Variants in RTL1 observed in about 807,000 individuals in gnomAD.
RTL1 encodes retrotransposon Gag like 1.
For synonymous variants in RTL1, 727 were observed against 748.4 expected, an observed-to-expected ratio of 0.97 and a Z score of 0.47; for missense variants, 1,681 against 1,767.5, an observed-to-expected ratio of 0.95 and a Z score of 0.88.
Position 100,882,620 on chromosome 14 carries a change from C to G in RTL1, c.2169G>C (p.Met723Ile). The change falls in exon 4 of 4, where the codon ATG (methionine) becomes ATC (isoleucine). Residue 723 changes from methionine (M) to isoleucine (I), a missense_variant. By Grantham distance (10) the Met-to-Ile change is conservative. Transcript: ENST00000649591. Reference protein sequence around the residue: ...QNVIHFILKDMLGFFVLSYGQ... With the variant: ...QNVIHFILKDILGFFVLSYGQ... ...CATAAGAAAGCACAAAGAACCCTAG[C>G]ATGTCCTTTAGGATGAAGTGAATCA... is the stretch of plus-strand genomic sequence containing the variant. 1 of 1,551,826 alleles carries G rather than the reference C, an allele frequency of 6.4e-7. No homozygotes were observed.
rs771658355 is a variant in RTL1 at position 100,882,337 on chromosome 14, G to C, written c.2452C>G (p.Pro818Ala). 8 of 1,551,552 alleles carry C rather than the reference G, an allele frequency of 5.2e-6. No individual in the cohort carries two copies. The South Asian group carries it at 9.5e-5, about 18-fold the overall frequency. ...AAGCGCTCCACGAAGTGGCGGTAGGGGAAGACGAATTCGATGAAGTTTCGC... is the reference window on the plus strand; with the variant it reads ...AAGCGCTCCACGAAGTGGCGGTAGGCGAAGACGAATTCGATGAAGTTTCGC... Reference protein sequence around the residue: ...SLRNFIEFVFPYRHFVERFSI... With the variant: ...SLRNFIEFVFAYRHFVERFSI... The change falls in exon 4 of 4, where the codon CCC becomes GCC. Residue 818 changes from proline to alanine, a missense_variant. Coordinates refer to ENST00000649591, the MANE Select transcript of RTL1 (RefSeq NM_001134888.3).
chr14:100,899,873 C>T (rs2038918702), intron 2 of RTL1, among the ~76,000 whole-genome samples: 1 of 152,230 alleles, frequency 6.6e-6, no homozygotes, highest in South Asian at 2.1e-4. Context: ...GCTTAACCCC[C>T]TCCCTGAGAC....
chr14:100,891,311 T>C (rs1237269170), intron 3 of RTL1, among the ~76,000 whole-genome samples: 1 of 152,200 alleles, frequency 6.6e-6, no homozygotes, highest in Non-Finnish European at 1.5e-5. Flanking sequence ...TCCCCTATGG[T>C]CTGGACCGAG....
rs556007725 is a variant in RTL1 at position 100,901,858 on chromosome 14, C to T, written c.-149+1433G>A. Among the ~76,000 whole-genome samples, 6 of 152,306 alleles carry T rather than the reference C, an allele frequency of 3.9e-5. No individual in the cohort carries two copies. The East Asian group carries it at 7.8e-4, about 20-fold the overall frequency. On this transcript the variant is annotated intron_variant, in intron 2 of 3. Transcript: ENST00000649591. Reference sequence around the variant, plus strand: ...TTGCCTTATTGGGACAGAGGCACCCCGCCAACCATCTCTGTGCCTTTGCCA... The same window carrying T: ...TTGCCTTATTGGGACAGAGGCACCCTGCCAACCATCTCTGTGCCTTTGCCA...
chr14:100,897,757 GGGGGGT>G (rs2038883985), intron 2 of RTL1: 3 of 141,562 alleles, frequency 2.1e-5, no homozygotes, highest in Admixed American at 8.0e-5. Context: ...TTGGCGGGGG[GGGGGGT>G]GGGGGGGTGG....
chr14:100,902,202 T>G (rs754161012), intron 2 of RTL1, among the ~76,000 whole-genome samples: 5 of 152,132 alleles, frequency 3.3e-5, no homozygotes, highest in African/African-American at 7.2e-5. Flanking sequence ...TGCATCTGCC[T>G]CCTCGGCTGT....
Position 100,883,324 on chromosome 14 carries a change from A to G in RTL1, c.1465T>C (p.Ser489Pro). The change falls in exon 4 of 4, where the codon TCC (serine) becomes CCC (proline). Residue 489 changes from serine (S) to proline (P), a missense_variant. Physicochemically the swap from Ser to Pro is moderately conservative, Grantham distance 74 (BLOSUM62 -1). Transcript: ENST00000649591. This position sits in a 1 kb window ranked among gnomAD's most constrained non-coding sequence, Gnocchi z 5.9. ...LVCIHQNHQE[S>P]IEFDIVPSPN... ...GAAGGTACGATGTCAAATTCGATGGACTCCTGGTGGTTCTGGTGGATACAC... is the reference window on the plus strand; with the variant it reads ...GAAGGTACGATGTCAAATTCGATGGGCTCCTGGTGGTTCTGGTGGATACAC... The G allele has an allele frequency of 6.4e-7, 1 of 1,550,836 alleles. No homozygotes were observed. Among genetic ancestry groups the G allele is most frequent in the Non-Finnish European group, 8.7e-7 (1 of 1,146,706 alleles).
In RTL1 at chr14:100,887,661, C is replaced by T. The variant is rs375388775; in HGVS notation, c.-86-2787G>A. 2.0e-4 allele frequency among the ~76,000 whole-genome samples: 31 copies of T among 151,600 alleles called. 1 individual carries two copies. Among genetic ancestry groups the T allele is most frequent in the African/African-American group, 6.3e-4 (26 of 41,384 alleles). The stretch of plus-strand genomic sequence containing the variant: ...CCTAGCTACTTCTCCTAGGCTGAGG[C>T]GGGAGAATCGCTTGAACCTTGGAGG... On this transcript the variant is annotated intron_variant, in intron 3 of 3. Transcript: ENST00000649591.
chr14:100,888,183 G>A (rs562723880), intron 3 of RTL1, among the ~76,000 whole-genome samples: 4 of 152,198 alleles, frequency 2.6e-5, no homozygotes, highest in Admixed American at 6.5e-5. Flanking sequence ...CACAGCACTT[G>A]AATGCCTTCA....
intron 3 of RTL1, among the ~76,000 whole-genome samples, chr14:100,890,318 T>TG (rs917805448): frequency 1.3e-5 from 2 of 150,014 alleles, no homozygotes; most frequent in Non-Finnish European, 3.0e-5. Context: ...GGGGGGGCCA[T>TG]GGGGGGGACA....
At chr14:100,902,241 CCG>C (rs959320777) in intron 2 of RTL1, among the ~76,000 whole-genome samples, 1 of 152,210 alleles carries the variant, frequency 6.6e-6, no homozygotes, top group African/African-American at 2.4e-5. Flanking sequence ...CCTCTGCCCT[CCG>C]ATCTCTGCAG....
In RTL1 at chr14:100,884,533, T is replaced by G; in HGVS notation, c.256A>C (p.Lys86Gln). 1 of 1,613,466 alleles carries G rather than the reference T, an allele frequency of 6.2e-7. No individual in the cohort carries two copies. Among genetic ancestry groups the G allele is most frequent in the South Asian group, 1.1e-5 (1 of 91,076 alleles). The change falls in exon 4 of 4, where the codon AAG becomes CAG. Residue 86 changes from lysine (K) to glutamine (Q), a missense_variant. By Grantham distance (53) the Lys-to-Gln change is moderately conservative. Coordinates refer to ENST00000649591, the MANE Select transcript of RTL1 (RefSeq NM_001134888.3). The stretch of plus-strand genomic sequence containing the variant: ...TCATTGGGTGGATCCTCTATTTCCT[T>G]ACGTGGGCCACTGGATGGCTCCTCC... ...DMEEPSSGPR[K>Q]EIEDPPNDLL...
intron 3 of RTL1, chr14:100,889,790 G>T (rs1348917572): frequency 5.3e-5 from 8 of 152,140 alleles, no homozygotes; most frequent in Admixed American, 5.2e-4. Flanking sequence ...GGGCCAGGGG[G>T]TTCCCTCCAC....
Position 100,881,194 on chromosome 14 carries a change from A to G in RTL1, c.3595T>C (p.Phe1199Leu), listed in dbSNP as rs1484699713. 2 of 1,541,806 alleles carry G rather than the reference A, an allele frequency of 1.3e-6. No individual in the cohort carries two copies. Among genetic ancestry groups the G allele is most frequent in the South Asian group, 1.2e-5 (1 of 82,360 alleles). Reference protein sequence around the residue: ...TPGFWLTLCEFFGVRVTPQEG... With the variant: ...TPGFWLTLCELFGVRVTPQEG... ...TGGGGGGTGACTCTGACACCGAAGA[A>G]CTCACACAGCGTCAGCCAGAAGCCA... Residue 1199 changes from phenylalanine (F) to leucine (L), a missense_variant, in exon 4 of 4, where the codon TTC (phenylalanine) becomes CTC (leucine). Physicochemically the swap from Phe to Leu is conservative, Grantham distance 22. Transcript: ENST00000649591. This position sits in a 1 kb window ranked among gnomAD's most constrained non-coding sequence, Gnocchi z 6.6.
At position 100,884,781 on chromosome 14, in the gene RTL1, T is replaced by C. The variant is rs1434788348; in HGVS notation, c.8A>G (p.Glu3Gly). The change falls in exon 4 of 4, where the codon GAA becomes GGA. Residue 3 changes from glutamate (E) to glycine (G), a missense_variant. Glu to Gly is a moderately conservative substitution (Grantham distance 98). Coordinates refer to ENST00000649591, the MANE Select transcript of RTL1 (RefSeq NM_001134888.3). ...CGTCTCAAATGAGTCTTCAGAGGGT[T>C]CTATCATTTCGTCGGATGGAAAGGA... MI[E>G]PSEDSFETMM... The C allele has an allele frequency of 1.3e-6, 2 of 1,563,684 alleles. No homozygotes were observed. The highest frequency in any genetic ancestry group is 2.3e-5 in the East Asian group (1 of 44,260).
rs964943698 is a variant in RTL1, at chr14:100,903,284, T to C, written c.-149+7A>G. 1.6e-4 allele frequency among the ~76,000 whole-genome samples: 25 copies of C among 152,072 alleles called. No homozygotes were observed. Among genetic ancestry groups the C allele is most frequent in the African/African-American group, 6.0e-4 (25 of 41,388 alleles). ...ACTCATTCTCCAAGCCACCACAGTG[T>C]ACCTACCTTCCCCGGGCCCAGTCCC... On this transcript the variant is annotated splice_region_variant and intron_variant, in intron 2 of 3. Coordinates refer to ENST00000649591, the MANE Select transcript of RTL1 (RefSeq NM_001134888.3).
chr14:100,890,580 G>A (rs376765906), intron 3 of RTL1, among the ~76,000 whole-genome samples: 1 of 152,126 alleles, frequency 6.6e-6, no homozygotes, highest in African/African-American at 2.4e-5. Context: ...GAGTAAGGGA[G>A]AGGTGGGTTC....
rs2038581405 is a variant in RTL1, at chr14:100,879,810, G to A, written c.*902C>T. 1.3e-5 allele frequency among the ~76,000 whole-genome samples: 2 copies of A among 151,520 alleles called. No homozygotes were observed. The highest frequency in any genetic ancestry group is 2.9e-5 in the Non-Finnish European group (2 of 67,866). On this transcript the variant is annotated 3_prime_UTR_variant, in exon 4 of 4. Transcript: ENST00000649591. ...AAAGATTGGGGGGTGAGAAAGCTCGGGGGGTGGGGAAGGGTCTACTCCCCT... is the reference window on the plus strand; with the variant it reads ...AAAGATTGGGGGGTGAGAAAGCTCGAGGGGTGGGGAAGGGTCTACTCCCCT...
In RTL1 at chr14:100,881,161, G is replaced by A. The variant is rs1034284347; in HGVS notation, c.3628C>T (p.His1210Tyr). The change falls in exon 4 of 4, where the codon CAC becomes TAC. Residue 1210 changes from histidine (H) to tyrosine (Y), a missense_variant. By Grantham distance (83) the His-to-Tyr change is moderately conservative. Coordinates refer to ENST00000649591, the MANE Select transcript of RTL1 (RefSeq NM_001134888.3). This position sits in a 1 kb window ranked among gnomAD's most constrained non-coding sequence, Gnocchi z 6.6. ...FGVRVTPQEG[H>Y]LPALRQNRYL... ...CGGTTCTGACGCAGGGCAGGGAGGT[G>A]GCCCTCCTGGGGGGTGACTCTGACA... 3 of 1,543,232 alleles carry A rather than the reference G, an allele frequency of 1.9e-6. No homozygotes were observed. The Admixed American group carries it at 5.9e-5, about 30-fold the overall frequency.
Sources: gnomAD v4.1 joint callset for allele counts (sites outside exome capture counted in the v4.1 genomes callset) on GRCh38, gnomAD v4.1.1 for gene constraint, Gnocchi (gnomAD v3.1) non-coding constraint, MANE v1.5 for transcripts, NCBI Gene and HGNC (gene_info 2026-07-23, HGNC 2026-07-21) for gene names.